ANO3: variants seen among roughly 807,000 people sequenced by gnomAD.
ANO3 encodes the protein anoctamin-3.
A neutral mutation model predicts 144.8 loss-of-function variants in ANO3; 99 were observed. The ratio of observed to expected loss-of-function variants is 0.68; its 90% CI spans 0.58 to 0.81. ANO3 has a LOEUF of 0.81. Among genes scored for constraint, ANO3 ranks in the 30% least tolerant of loss-of-function variants. ANO3 has a pLI of 0.00. For missense variants in ANO3, 905 were observed against 1,202.2 expected, an observed-to-expected ratio of 0.75 and a Z score of 3.66; for synonymous variants, 414 against 392.6, an observed-to-expected ratio of 1.05 and a Z score of -0.64.
intron 5 of ANO3, among the ~76,000 whole-genome samples, chr11:26,511,485 G>A (rs12284101): frequency 0.042 from 6,448 of 152,162 alleles, 306 homozygotes; most frequent in African/African-American, 0.11. Flanking sequence ...GTACTTCAGA[G>A]ACTGCACAAG....
chr11:26,386,612 G>T (rs1590316991), intron 1 of ANO3, among the ~76,000 whole-genome samples: 1 of 152,164 alleles, frequency 6.6e-6, no homozygotes, highest in East Asian at 1.9e-4. Context: ...GTACTGAGAA[G>T]AATACAACAT....
At chr11:26,358,432 C>T (rs1177842796) in intron 1 of ANO3, among the ~76,000 whole-genome samples, 4 of 152,072 alleles carry the variant, frequency 2.6e-5, no homozygotes, top group East Asian at 1.9e-4. Context: ...GGCCTCCCAA[C>T]GTGCTGGGAT....
chr11:26,194,488 ATTATTTAT>A (rs1196375918), intron 1 of ANO3, among the ~76,000 whole-genome samples: 112 of 23,468 alleles, frequency 4.8e-3, no homozygotes, highest in African/African-American at 0.016. Flanking sequence ...GTGTGTGTGT[ATTATTTAT>A]TTATTTATTT....
chr11:26,441,328 G>A (rs1273111129), intron 1 of ANO3, among the ~76,000 whole-genome samples: 1 of 150,854 alleles, frequency 6.6e-6, no homozygotes, highest in African/African-American at 2.4e-5. Flanking sequence ...CGTTTTAGCC[G>A]GGATGGTCTC....
chr11:26,643,031 A>G (rs1853220718), intron 22 of ANO3, 151 bp from the exon 23 acceptor site: 4 of 673,212 alleles, frequency 5.9e-6, no homozygotes, highest in African/African-American at 5.4e-5. Context: ...TTTAATTAAC[A>G]TATATGAAAT....
intron 14 of ANO3, among the ~76,000 whole-genome samples, chr11:26,585,745 C>G (rs1851257064): frequency 6.6e-6 from 1 of 152,110 alleles, no homozygotes; most frequent in Admixed American, 6.5e-5. Context: ...ACTTTGGTTC[C>G]TATCATCCAT....
chr11:26,435,163 A>G (rs1273708479), intron 1 of ANO3, among the ~76,000 whole-genome samples: 3 of 152,146 alleles, frequency 2.0e-5, no homozygotes, highest in Non-Finnish European at 4.4e-5. Context: ...CTTTACCATT[A>G]TGTAATGCAC....
Position 26,432,698 on chromosome 11 carries a change from G to T in ANO3, c.47-9220G>T, listed in dbSNP as rs185015244. ...GTGTGTTTTTGTCAGCTTTGTTGAA[G>T]ATCAGATGGTTGTAGGTTTGTGCCC... On this transcript the variant is annotated intron_variant, in intron 1 of 26. Transcript: ENST00000256737. Among the ~76,000 whole-genome samples, 173 of 152,214 alleles carry T rather than the reference G, an allele frequency of 1.1e-3. 5 individuals are homozygous for T. The highest frequency in any genetic ancestry group is 0.011 in the Admixed American group (171 of 15,270).
At chr11:26,438,885 T>G (rs944347376) in intron 1 of ANO3, among the ~76,000 whole-genome samples, 1 of 152,150 alleles carries the variant, frequency 6.6e-6, no homozygotes, top group African/African-American at 2.4e-5. Flanking sequence ...CAAAGCAATC[T>G]TGAAAAGAGA....
chr11:26,559,835 T>TACACACACACACACAC, intron 14 of ANO3, 56 bp downstream of exon 14: 3 of 661,942 alleles, frequency 4.5e-6, no homozygotes, highest in Admixed American at 4.1e-5. Flanking sequence ...GTTTCTGTGT[T>TACACACACACACACAC]ACACACACAC....
At chr11:26,515,068 G>C (rs1355944663) in intron 5 of ANO3, among the ~76,000 whole-genome samples, 1 of 151,880 alleles carries the variant, frequency 6.6e-6, no homozygotes, top group South Asian at 2.1e-4. Flanking sequence ...GTGTAACCTT[G>C]GTTGGTCTGA....
intron 14 of ANO3, chr11:26,572,335 GT>G: frequency 1.3e-6 from 1 of 750,184 alleles, no homozygotes; most frequent in Non-Finnish European, 1.6e-6. Flanking sequence ...TAGGTTGATC[GT>G]TTTAGCTTTG....
chr11:26,340,166 A>C, intron 1 of ANO3, among the ~76,000 whole-genome samples: 1 of 151,166 alleles, frequency 6.6e-6, no homozygotes, highest in South Asian at 2.1e-4. Context: ...TCCTAAAAAT[A>C]ACTCCTAAAG....
chr11:26,374,071 T>C (rs552056908), intron 1 of ANO3, among the ~76,000 whole-genome samples: 1 of 152,328 alleles, frequency 6.6e-6, no homozygotes, highest in African/African-American at 2.4e-5. Flanking sequence ...TAAGAGACAT[T>C]ACATGCTTCC....
chr11:26,647,415 T>C (rs1853380722), intron 23 of ANO3, among the ~76,000 whole-genome samples: 1 of 152,206 alleles, frequency 6.6e-6, no homozygotes, highest in African/African-American at 2.4e-5. Context: ...AAATTAGACT[T>C]TGAAATATCT....
chr11:26,400,026 C>A (rs1236181916), intron 1 of ANO3, among the ~76,000 whole-genome samples: 2 of 152,082 alleles, frequency 1.3e-5, no homozygotes, highest in Non-Finnish European at 2.9e-5. Flanking sequence ...GATGAAATCA[C>A]TTCCTTAGGT....
At chr11:26,429,315 T>C (rs936070998) in intron 1 of ANO3, among the ~76,000 whole-genome samples, 3 of 152,152 alleles carry the variant, frequency 2.0e-5, no homozygotes, top group East Asian at 3.9e-4. Flanking sequence ...ATGGTGTCTT[T>C]AGATGAGATC....
chr11:26,356,226 A>G (rs1464515861), intron 1 of ANO3, among the ~76,000 whole-genome samples: 1 of 152,200 alleles, frequency 6.6e-6, no homozygotes. Context: ...CTAGATACAT[A>G]TGTAAGTAAT....
chr11:26,194,439 GGTGTGT>G (rs1161631402), intron 1 of ANO3, among the ~76,000 whole-genome samples: 3,387 of 60,462 alleles, frequency 0.056, 59 homozygotes, highest in Middle Eastern at 0.13. Context: ...GGTACATAGT[GGTGTGT>G]GTGTGTGTGT....
Sources: gnomAD v4.1 joint callset for allele counts (sites outside exome capture counted in the v4.1 genomes callset) on GRCh38, gnomAD v4.1.1 for gene constraint, MANE v1.5 for transcripts, NCBI Gene and HGNC (gene_info 2026-07-23, HGNC 2026-07-21) for gene names.